Variants in C10orf143 observed in about 807,000 individuals in gnomAD.
C10orf143 encodes the protein uncharacterized protein C10orf143.
intron 3 of C10orf143, among the ~76,000 whole-genome samples, chr10:130,076,778 A>G (rs1204252101): frequency 6.6e-6 from 1 of 152,128 alleles, no homozygotes; most frequent in South Asian, 2.1e-4. Context: ...TGGCCTGTGC[A>G]CACGCAAGCC....
downstream of C10orf143, among the ~76,000 whole-genome samples, chr10:130,059,995 GA>G (rs920502943): frequency 1.6e-4 from 25 of 152,120 alleles, no homozygotes; most frequent in Non-Finnish European, 3.4e-4. Context: ...GAGAGACATT[GA>G]AAAAAAGCAC....
intron 1 of C10orf143, among the ~76,000 whole-genome samples, chr10:130,094,150 C>T (rs1033167668): frequency 2.6e-5 from 4 of 152,014 alleles, no homozygotes; most frequent in Admixed American, 2.6e-4. Context: ...TTCCTGGATA[C>T]ATATACCCTC....
At chr10:130,107,446 T>A in intron 1 of C10orf143, 1 of 1,394,186 alleles carries the variant, frequency 7.2e-7, no homozygotes, top group East Asian at 2.3e-5. Context: ...CAGCTTGGGC[T>A]GCTGAAAGAA....
At chr10:130,038,781 A>G (rs532295697) in intron 3 of C10orf143, among the ~76,000 whole-genome samples, 4 of 152,110 alleles carry the variant, frequency 2.6e-5, no homozygotes, top group Non-Finnish European at 5.9e-5. Flanking sequence ...CCTACAGCCC[A>G]CCTCAGTGCA....
chr10:130,108,392 G>A (rs767197611), intron 1 of C10orf143: 44 of 1,020,986 alleles, frequency 4.3e-5, no homozygotes. Flanking sequence ...GTTCCCTTCA[G>A]GGCTGATTCC....
At chr10:130,055,101 A>G (rs1860780693) in intron 3 of C10orf143, among the ~76,000 whole-genome samples, 1 of 152,098 alleles carries the variant, frequency 6.6e-6, no homozygotes, top group Non-Finnish European at 1.5e-5. Context: ...AAACTATAAA[A>G]CTCCTAGATT....
chr10:130,039,389 T>C (rs1860581536), intron 3 of C10orf143, among the ~76,000 whole-genome samples: 2 of 152,184 alleles, frequency 1.3e-5, no homozygotes, highest in South Asian at 4.2e-4. Flanking sequence ...TGAGTCCCAG[T>C]GTGAGTCTGA....
In C10orf143 at chr10:130,069,688, G is replaced by A. The variant is rs151090250; in HGVS notation, c.298-5305C>T. On this transcript the variant is annotated intron_variant, in intron 3 of 3. Transcript: ENST00000637128. ...TACAGTGGCATAATCATAGCTCACT[G>A]CAGCCTCCAACTACTGGGCTCAGGC... Among the ~76,000 whole-genome samples the A allele has an allele frequency of 3.4e-3, 519 of 152,174 alleles. 2 individuals are homozygous for A. The highest frequency in any genetic ancestry group is 0.011 in the African/African-American group (457 of 41,490).
chr10:130,048,507 C>T (rs1860702144), intron 3 of C10orf143, among the ~76,000 whole-genome samples: 1 of 152,178 alleles, frequency 6.6e-6, no homozygotes, highest in Non-Finnish European at 1.5e-5. Flanking sequence ...CTGCAAGTCC[C>T]CAACTCACGT....
rs535739557 is a variant in C10orf143, at chr10:130,076,221, G to A, written c.297+3345C>T. Reference sequence around the variant, plus strand: ...ACAAAGGGAGGAGGAGGTGGACCTCGCAAGAGATGGGCCCAGAGGGACTAC... The same window carrying A: ...ACAAAGGGAGGAGGAGGTGGACCTCACAAGAGATGGGCCCAGAGGGACTAC... On this transcript the variant is annotated intron_variant, in intron 3 of 3. Transcript: ENST00000637128. 5.3e-5 allele frequency among the ~76,000 whole-genome samples: 8 copies of A among 152,212 alleles called. No individual in the cohort carries two copies. The East Asian group carries it at 1.5e-3, about 29-fold the overall frequency.
downstream of C10orf143, among the ~76,000 whole-genome samples, chr10:130,063,058 G>A (rs755969785): frequency 2.0e-5 from 3 of 152,034 alleles, no homozygotes; most frequent in Non-Finnish European, 4.4e-5. Flanking sequence ...GTGGAGATGA[G>A]ATGGGAACTC....
chr10:130,063,577 A>G (rs1201294551), downstream of C10orf143, among the ~76,000 whole-genome samples: 1 of 152,172 alleles, frequency 6.6e-6, no homozygotes, highest in African/African-American at 2.4e-5. Flanking sequence ...TCTTTCCCGT[A>G]TGGAACTCTC....
chr10:130,106,021 C>A (rs1419229858), intron 1 of C10orf143: 6 of 478,060 alleles, frequency 1.3e-5, no homozygotes, highest in Non-Finnish European at 2.0e-5. Context: ...GTTACTGCGG[C>A]GACCGCCAGA....
chr10:130,041,763 T>G (rs1860609176), intron 3 of C10orf143, among the ~76,000 whole-genome samples: 1 of 152,086 alleles, frequency 6.6e-6, no homozygotes, highest in African/African-American at 2.4e-5. Flanking sequence ...TCAGGACAAA[T>G]TAAGTGAAAA....
chr10:130,064,950 C>T (rs1860907114), intron 3 of C10orf143: 1 of 152,288 alleles, frequency 6.6e-6, no homozygotes, highest in African/African-American at 2.4e-5. Context: ...AGAGGCTCGT[C>T]AGCATCTAGG....
At chr10:130,097,990 T>G (rs775676784) in intron 1 of C10orf143, among the ~76,000 whole-genome samples, 1 of 150,174 alleles carries the variant, frequency 6.7e-6, no homozygotes, top group Non-Finnish European at 1.5e-5. Context: ...AGCTGTAAAT[T>G]TACTAAAAAC....
At chr10:130,085,477 T>G (rs907097631) in intron 1 of C10orf143, among the ~76,000 whole-genome samples, 2 of 152,038 alleles carry the variant, frequency 1.3e-5, no homozygotes, top group Non-Finnish European at 2.9e-5. Context: ...CAATAATCAC[T>G]AAGTGTCGAG....
downstream of C10orf143, among the ~76,000 whole-genome samples, chr10:130,060,589 C>T (rs1225259099): frequency 3.3e-5 from 5 of 151,948 alleles, no homozygotes; most frequent in South Asian, 2.1e-4. Context: ...TTTGGGAGGC[C>T]AAGGCGGATG....
chr10:130,055,216 A>G (rs1041262390), intron 3 of C10orf143, among the ~76,000 whole-genome samples: 1 of 152,212 alleles, frequency 6.6e-6, no homozygotes, highest in African/African-American at 2.4e-5. Flanking sequence ...CATGGATATT[A>G]CCCCAAAAGC....
Sources: gnomAD v4.1 joint callset for allele counts (sites outside exome capture counted in the v4.1 genomes callset) on GRCh38, gnomAD v4.1.1 for gene constraint, MANE v1.5 for transcripts, NCBI Gene and HGNC (gene_info 2026-07-23, HGNC 2026-07-21) for gene names.